The following NTRK2 variants were observed in gnomAD, a reference collection of about 807,000 sequenced individuals.
NTRK2 encodes the protein BDNF/NT-3 growth factors receptor.
Under a neutral mutation model 94.5 loss-of-function variants are expected in NTRK2, and 13 were observed. The observed-to-expected ratio is 0.14, with a 90% confidence interval of 0.09 to 0.22. The LOEUF is 0.22. NTRK2 is among the 10% of genes least tolerant of loss of function. The probability of loss-of-function intolerance (pLI) is 1.00; values close to 1 mark genes in which losing one functional copy is unlikely to be tolerated. For missense variants in NTRK2, 639 were observed against 1,071.2 expected (o/e 0.60, Z 5.63); for synonymous variants, 372 against 407.4 (o/e 0.91, Z 1.05).
In NTRK2 at chr9:84,878,631, T is replaced by TAA. The variant is rs35468448; in HGVS notation, c.1633+11217_1633+11218dup. ...CCTGGCGACAGAAAGAGACTATGTC[T>TAA]AAAAAAAAAAAAAAAAAATTCTGAT... is the stretch of plus-strand genomic sequence containing the variant. On this transcript the variant is annotated intron_variant, in intron 14 of 18. Transcript: ENST00000277120. Among the ~76,000 whole-genome samples the TAA allele has an allele frequency of 1.4e-3, 184 of 135,584 alleles. 1 individual carries two copies. The highest frequency in any genetic ancestry group is 0.012 in the South Asian group (48 of 4,074). 88.9% of individuals were successfully genotyped at this position (135,584 alleles called of 152,430 possible). A position where few individuals can be genotyped will look rare whatever the true frequency, so the allele number is the denominator to read the frequency against.
At chr9:84,871,686 T>A (rs2075872679) in intron 14 of NTRK2, 1 of 961,704 alleles carries the variant, frequency 1.0e-6, no homozygotes, top group Non-Finnish European at 1.7e-6. Flanking sequence ...GAGGGTTTCA[T>A]TTACAAAGTC....
chr9:84,734,029 TC>T (rs2063078918), intron 9 of NTRK2, among the ~76,000 whole-genome samples: 1 of 152,192 alleles, frequency 6.6e-6, no homozygotes, highest in Non-Finnish European at 1.5e-5. Context: ...TGAACTCAGA[TC>T]TGATTCAGTC....
chr9:84,947,757 G>T lies in NTRK2; in HGVS notation c.1765-705G>T, dbSNP rs551889153. 2.4e-4 allele frequency among the ~76,000 whole-genome samples: 37 copies of T among 152,366 alleles called. No homozygotes were observed. The East Asian group carries it at 6.7e-3, about 28-fold the overall frequency. ...GATGTCATCACAGCTCTGGCTCAGT[G>T]ATGGGCACATGCCAAGAGCTCAGCA... On this transcript the variant is annotated intron_variant, in intron 15 of 18. Coordinates refer to ENST00000277120, the MANE Select transcript of NTRK2 (RefSeq NM_006180.6).
At chr9:84,928,118 T>C (rs1029471856) in intron 14 of NTRK2, among the ~76,000 whole-genome samples, 2 of 152,238 alleles carry the variant, frequency 1.3e-5, no homozygotes, top group Non-Finnish European at 2.9e-5. Flanking sequence ...TGGTGTGTTT[T>C]ATGTCTGTGG....
Position 84,751,968 on chromosome 9 carries a change from C to T in NTRK2, c.1297-18C>T. 6.2e-7 allele frequency: 1 copy of T among 1,607,478 alleles called. No individual in the cohort carries two copies. Among genetic ancestry groups the T allele is most frequent in the Non-Finnish European group, 8.5e-7 (1 of 1,174,014 alleles). On this transcript the variant is annotated intron_variant, in intron 11 of 18. Coordinates refer to ENST00000277120, the MANE Select transcript of NTRK2 (RefSeq NM_006180.6). ...ACTAATTAGCAAGGTTATAACCACC[C>T]TCCCTTCCTTTCTCTAGGTCTATGC...
At chr9:84,836,652 G>T (rs895151262) in intron 12 of NTRK2, among the ~76,000 whole-genome samples, 1 of 147,008 alleles carries the variant, frequency 6.8e-6, no homozygotes, top group African/African-American at 2.5e-5. Context: ...CATGGAACAG[G>T]ATGCCTTGGA....
intron 17 of NTRK2, among the ~76,000 whole-genome samples, chr9:85,001,925 G>A (rs756196000): frequency 1.3e-5 from 2 of 152,174 alleles, no homozygotes; most frequent in East Asian, 1.9e-4. Context: ...CGCCCCCCTA[G>A]TATCCTATTA....
chr9:85,002,031 A>G (rs545802969), intron 17 of NTRK2, among the ~76,000 whole-genome samples: 1 of 152,274 alleles, frequency 6.6e-6, no homozygotes, highest in South Asian at 2.1e-4. Flanking sequence ...ATGACAGAAA[A>G]TCTGATTGCA....
At chr9:84,754,032 G>A (rs1564194178) in intron 12 of NTRK2, among the ~76,000 whole-genome samples, 1 of 152,150 alleles carries the variant, frequency 6.6e-6, no homozygotes, top group Admixed American at 6.5e-5. Context: ...TTCTTTCAGA[G>A]AAGAAAATTA....
At chr9:85,003,367 A>G (rs1324674854) in intron 17 of NTRK2, among the ~76,000 whole-genome samples, 3 of 152,198 alleles carry the variant, frequency 2.0e-5, no homozygotes, top group South Asian at 2.1e-4. Context: ...TACAGCAGCA[A>G]ACAAGACCAT....
intron 12 of NTRK2, among the ~76,000 whole-genome samples, chr9:84,775,667 C>T (rs1425323732): frequency 6.6e-6 from 1 of 152,050 alleles, no homozygotes; most frequent in Non-Finnish European, 1.5e-5. Context: ...AAATGGACTT[C>T]CTGGGTTGTT....
intron 14 of NTRK2, among the ~76,000 whole-genome samples, chr9:84,916,622 G>A (rs1013216531): frequency 2.0e-5 from 3 of 152,176 alleles, no homozygotes; most frequent in Non-Finnish European, 2.9e-5. Context: ...CCCATTAGGA[G>A]CAGGCCTAAG....
intron 17 of NTRK2, among the ~76,000 whole-genome samples, chr9:84,989,420 G>A (rs79870799): frequency 0.034 from 5,139 of 152,136 alleles, 119 homozygotes; most frequent in Middle Eastern, 0.061. Flanking sequence ...ATCCTTATCT[G>A]GTCCCGTAAT....
intron 6 of NTRK2, among the ~76,000 whole-genome samples, chr9:84,722,160 CTTTTT>C (rs36100177): frequency 3.6e-4 from 24 of 67,078 alleles, no homozygotes; most frequent in African/African-American, 1.2e-3. Context: ...CTATTAGGGG[CTTTTT>C]TTTTTTTTTT....
At chr9:84,963,662 G>A (rs1049931986) in intron 17 of NTRK2, among the ~76,000 whole-genome samples, 1 of 151,982 alleles carries the variant, frequency 6.6e-6, no homozygotes, top group Non-Finnish European at 1.5e-5. Flanking sequence ...GAATTTTTTG[G>A]CTATTCTTTG....
rs749633086 is a variant in NTRK2 at position 84,724,226 on chromosome 9, T to C, written c.723T>C (p.Asn241=). Residue 241 remains asparagine (N), a splice_region_variant and synonymous_variant, in exon 8 of 19, where the codon AAT becomes AAC. Coordinates refer to ENST00000277120, the MANE Select transcript of NTRK2 (RefSeq NM_006180.6). ...DVGNLVSKHM[N]ETSHTQGSLR... ...TTTGTCTGTTAATTCATTTGTAGAA[T>C]GAAACAAGCCACACACAGGGCTCCT... 4.3e-6 allele frequency: 7 copies of C among 1,614,148 alleles called. No individual in the cohort carries two copies. Among genetic ancestry groups the C allele is most frequent in the Non-Finnish European group, 5.9e-6 (7 of 1,179,972 alleles).
intron 17 of NTRK2, among the ~76,000 whole-genome samples, chr9:85,011,958 A>ATTATT (rs57166564): frequency 0.057 from 7,524 of 131,642 alleles, 280 homozygotes; most frequent in African/African-American, 0.078. Context: ...TATGTAGAGC[A>ATTATT]TTATTTTATT....
At chr9:84,734,964 T>C (rs187602863) in intron 9 of NTRK2, among the ~76,000 whole-genome samples, 9 of 152,294 alleles carry the variant, frequency 5.9e-5, no homozygotes, top group Non-Finnish European at 1.0e-4. Flanking sequence ...CTCCTTTTCA[T>C]TTGGAATGTA....
intron 17 of NTRK2, among the ~76,000 whole-genome samples, chr9:84,988,678 G>T (rs949076079): frequency 6.6e-6 from 1 of 152,224 alleles, no homozygotes; most frequent in Non-Finnish European, 1.5e-5. Flanking sequence ...GGGAACCTAG[G>T]TTATCATGAG....
Sources: gnomAD v4.1 joint callset for allele counts (sites outside exome capture counted in the v4.1 genomes callset) on GRCh38, gnomAD v4.1.1 for gene constraint, MANE v1.5 for transcripts, NCBI Gene and HGNC (gene_info 2026-07-23, HGNC 2026-07-21) for gene names.